Variants in GPC6 observed in about 807,000 individuals in gnomAD.
The protein encoded by GPC6 is glypican-6.
Under a neutral mutation model 55.2 loss-of-function variants are expected in GPC6, and 14 were observed. The observed-to-expected ratio is 0.25, with a 90% CI of 0.17 to 0.40. The LOEUF (loss-of-function observed/expected upper bound fraction) is 0.40. GPC6 is among the 10% of genes least tolerant of loss of function. The pLI is 1.00. For missense variants in GPC6, 641 were observed against 708.5 expected (o/e 0.90, Z 1.08); for synonymous variants, 278 against 259.6 (o/e 1.07, Z -0.68).
chr13:93,516,374 C>T (rs574431767), intron 1 of GPC6, among the ~76,000 whole-genome samples: 5 of 152,194 alleles, frequency 3.3e-5, no homozygotes, highest in Admixed American at 3.3e-4. Flanking sequence ...CAAATATGGT[C>T]TTGGGGTTAG....
intron 4 of GPC6, among the ~76,000 whole-genome samples, chr13:94,259,474 C>T (rs1482271516): frequency 1.3e-5 from 2 of 152,166 alleles, no homozygotes; most frequent in Admixed American, 6.5e-5. Flanking sequence ...GTTGGTTTAG[C>T]ACTATCTTTT....
At chr13:94,286,204 A>G in intron 4 of GPC6, 145 bp from the exon 5 acceptor site, 3 of 699,670 alleles carry the variant, frequency 4.3e-6, no homozygotes, top group East Asian at 5.4e-5. Context: ...TCAGTCATCT[A>G]TTTCATTTTG....
intron 1 of GPC6, among the ~76,000 whole-genome samples, chr13:93,495,324 G>T (rs1880218907): frequency 6.7e-6 from 1 of 150,212 alleles, no homozygotes; most frequent in Non-Finnish European, 1.5e-5. Context: ...ATCAGCTCCT[G>T]AGGCTTCTGC....
At chr13:93,323,740 G>T (rs564822465) in intron 1 of GPC6, among the ~76,000 whole-genome samples, 1 of 152,314 alleles carries the variant, frequency 6.6e-6, no homozygotes, top group African/African-American at 2.4e-5. Context: ...TTAGTAAATT[G>T]TTAATAGTAG....
Position 93,286,119 on chromosome 13 carries a change from A to C in GPC6, c.160+58503A>C, listed in dbSNP as rs145034393. ...GGAGGTTTAATTGACTCACAGTTCCACATAGCTGGGGAGGCCTCAGGAAAC... is the reference window on the plus strand; with the variant it reads ...GGAGGTTTAATTGACTCACAGTTCCCCATAGCTGGGGAGGCCTCAGGAAAC... On this transcript the variant is annotated intron_variant, in intron 1 of 8. Transcript: ENST00000377047. Among the ~76,000 whole-genome samples, 569 of 152,218 alleles carry C rather than the reference A, an allele frequency of 3.7e-3. 1 individual carries two copies. The highest frequency in any genetic ancestry group is 0.012 in the African/African-American group (509 of 41,540).
At chr13:93,584,317 A>G (rs1444457945) in intron 2 of GPC6, among the ~76,000 whole-genome samples, 1 of 152,196 alleles carries the variant, frequency 6.6e-6, no homozygotes, top group African/African-American at 2.4e-5. Flanking sequence ...TAAAAGCTCA[A>G]AGTCTTCATC....
intron 1 of GPC6, among the ~76,000 whole-genome samples, chr13:93,314,440 C>A (rs1879173715): frequency 6.6e-6 from 1 of 152,062 alleles, no homozygotes; most frequent in Admixed American, 6.6e-5. Context: ...AACAGATGAC[C>A]AGGTTGGGGA....
chr13:93,444,773 A>G (rs1228082280), intron 1 of GPC6, among the ~76,000 whole-genome samples: 2 of 152,230 alleles, frequency 1.3e-5, no homozygotes, highest in African/African-American at 4.8e-5. Flanking sequence ...GACAGCCAAC[A>G]TAATTATTTC....
intron 1 of GPC6, among the ~76,000 whole-genome samples, chr13:93,516,830 C>T (rs2139393376): frequency 6.6e-6 from 1 of 152,178 alleles, no homozygotes; most frequent in East Asian, 1.9e-4. Context: ...AAAATCACCT[C>T]CAGCTTTTGA....
chr13:93,252,269 T>C (rs963868268), intron 1 of GPC6, among the ~76,000 whole-genome samples: 11 of 151,518 alleles, frequency 7.3e-5, no homozygotes, highest in African/African-American at 2.0e-4. Context: ...TTCCCTTTTT[T>C]TTCCCCCCAG....
chr13:94,341,334 C>T (rs934292834), intron 6 of GPC6, among the ~76,000 whole-genome samples: 3 of 152,088 alleles, frequency 2.0e-5, no homozygotes, highest in Non-Finnish European at 4.4e-5. Flanking sequence ...CTTATAATCC[C>T]AGCACTTTGG....
intron 4 of GPC6, among the ~76,000 whole-genome samples, chr13:94,125,072 C>G (rs1374739938): frequency 6.6e-6 from 1 of 152,052 alleles, no homozygotes; most frequent in Non-Finnish European, 1.5e-5. Context: ...TTTCACTTAA[C>G]CTTAAATACA....
intron 1 of GPC6, among the ~76,000 whole-genome samples, chr13:93,484,422 G>C (rs1223349551): frequency 1.3e-5 from 2 of 152,072 alleles, no homozygotes; most frequent in African/African-American, 2.4e-5. Context: ...TTGACAAAAG[G>C]CTGTATATTC....
rs143481488 is a variant in GPC6, at chr13:94,062,233, G to GT, written c.877+34347dup. On this transcript the variant is annotated intron_variant, in intron 4 of 8. Coordinates refer to ENST00000377047, the MANE Select transcript of GPC6 (RefSeq NM_005708.5). ...GTGAGATCTTACCCTCTACATTTCT[G>GT]TTTTTTTTGTTTTGTTTTGTTTTGT... Among the ~76,000 whole-genome samples, 17 of 151,218 alleles carry GT rather than the reference G, an allele frequency of 1.1e-4. 1 individual carries two copies. Among genetic ancestry groups the GT allele is most frequent in the South Asian group, 6.3e-4 (3 of 4,778 alleles).
chr13:93,359,156 G>A (rs1880958872), intron 1 of GPC6, among the ~76,000 whole-genome samples: 1 of 151,816 alleles, frequency 6.6e-6, no homozygotes, highest in South Asian at 2.1e-4. Context: ...TATAGAGGCT[G>A]GGTCTCAGCA....
chr13:93,762,774 T>A (rs989103945), intron 2 of GPC6, among the ~76,000 whole-genome samples: 26 of 152,344 alleles, frequency 1.7e-4, no homozygotes, highest in East Asian at 3.9e-4. Context: ...GGTATACAGA[T>A]AAAATACAGA....
chr13:93,652,299 A>T (rs775263994), intron 2 of GPC6, among the ~76,000 whole-genome samples: 2 of 152,074 alleles, frequency 1.3e-5, no homozygotes, highest in African/African-American at 4.8e-5. Flanking sequence ...ATGTCATGTT[A>T]ATGCATAGAA....
chr13:93,274,129 G>A (rs1877647627), intron 1 of GPC6, among the ~76,000 whole-genome samples: 1 of 152,168 alleles, frequency 6.6e-6, no homozygotes, highest in African/African-American at 2.4e-5. Context: ...GAGTTAAGCT[G>A]TCTTCCTACA....
chr13:93,882,330 A>C lies in GPC6; in HGVS notation c.711+51785A>C, dbSNP rs561017823. Among the ~76,000 whole-genome samples the C allele has an allele frequency of 2.0e-5, 3 of 151,880 alleles. No individual in the cohort carries two copies. In the South Asian group the frequency reaches 6.2e-4, roughly 32 times the overall value. On this transcript the variant is annotated intron_variant, in intron 3 of 8. Coordinates refer to ENST00000377047, the MANE Select transcript of GPC6 (RefSeq NM_005708.5). ...CCCAGCTAATTTTTGAATTTTGTGT[A>C]GAGACAGGGTTTCTCCATGTTGCCC...
Sources: allele counts gnomAD v4.1 joint callset (sites outside exome capture counted in the v4.1 genomes callset), GRCh38; gene constraint gnomAD v4.1.1; transcripts MANE v1.5; gene names NCBI Gene and HGNC (gene_info 2026-07-23, HGNC 2026-07-21).